Variants in DDX60 observed in about 807,000 individuals in gnomAD.
The protein encoded by DDX60 is probable ATP-dependent RNA helicase DDX60.
A neutral mutation model predicts 212.8 loss-of-function variants in DDX60; 165 were observed. That is an observed-to-expected ratio of 0.78 (90% CI 0.68 to 0.88). DDX60 has a LOEUF of 0.88. DDX60 is among the 40% of genes least tolerant of loss of function. DDX60 has a pLI of 0.00. For synonymous variants in DDX60, 703 were observed against 685.3 expected (o/e 1.03, Z -0.40); for missense variants, 1,905 against 2,003.9 (o/e 0.95, Z 0.94).
At chr4:168,316,528 A>T (rs1737387204) in intron 1 of DDX60, among the ~76,000 whole-genome samples, 1 of 152,188 alleles carries the variant, frequency 6.6e-6, no homozygotes, top group South Asian at 2.1e-4. Context: ...CAATATATGA[A>T]AAAAAATAAT....
intron 36 of DDX60, among the ~76,000 whole-genome samples, chr4:168,221,112 G>C (rs1578962460): frequency 6.6e-6 from 1 of 152,098 alleles, no homozygotes; most frequent in Non-Finnish European, 1.5e-5. Context: ...CATCTTTGAA[G>C]AGTGTCAGAT....
At chr4:168,237,980 T>C (rs1733689719) in intron 30 of DDX60, among the ~76,000 whole-genome samples, 185 bp from the exon 31 acceptor site, 1 of 152,092 alleles carries the variant, frequency 6.6e-6, no homozygotes, top group Non-Finnish European at 1.5e-5. Flanking sequence ...ATAGAGCACA[T>C]AAACTGAATT....
intron 7 of DDX60, among the ~76,000 whole-genome samples, chr4:168,292,754 G>A (rs556561986): frequency 6.6e-6 from 1 of 152,268 alleles, no homozygotes; most frequent in South Asian, 2.1e-4. Context: ...AACATTTGCA[G>A]GGCTATCAAC....
At chr4:168,253,148 T>C (rs6857534) in intron 26 of DDX60, among the ~76,000 whole-genome samples, 25,624 of 152,160 alleles carry the variant, frequency 0.17, 3,763 homozygotes, top group African/African-American at 0.39. Flanking sequence ...TGCCCTTCCT[T>C]TTCAGCCTCT....
chr4:168,297,362 GAAAGAAAGAAAGAAA>G, intron 6 of DDX60, among the ~76,000 whole-genome samples: 1 of 59,352 alleles, frequency 1.7e-5, no homozygotes. Flanking sequence ...AAGAAAGAAA[GAAAGAAAGAAAGAAA>G]GAAAGAGAAA....
chr4:168,237,159 C>T (rs1383756123), intron 32 of DDX60, 127 bp downstream of exon 32: 1 of 602,702 alleles, frequency 1.7e-6, no homozygotes, highest in Non-Finnish European at 2.5e-6. Context: ...AATTGAAGAT[C>T]TATAAATTAT....
upstream of DDX60, among the ~76,000 whole-genome samples, chr4:168,318,978 G>A (rs1037679103): frequency 6.6e-6 from 1 of 151,832 alleles, no homozygotes. Flanking sequence ...AACCAGTTCT[G>A]GTATTCTATT....
intron 34 of DDX60, among the ~76,000 whole-genome samples, chr4:168,225,211 C>T (rs909995665): frequency 6.6e-5 from 10 of 152,040 alleles, no homozygotes; most frequent in East Asian, 3.9e-4. Context: ...GAAAACTAAG[C>T]GTATTTCCTC....
chr4:168,273,960 C>T lies in DDX60; in HGVS notation c.2428G>A (p.Val810Met). The change falls in exon 17 of 38, where the codon GTG (valine) becomes ATG (methionine). Residue 810 changes from valine to methionine, a missense_variant. Val to Met is a conservative substitution (Grantham distance 21). Coordinates refer to ENST00000393743, the MANE Select transcript of DDX60 (RefSeq NM_017631.6). ...TTTGTGGGTGCAACGTACACGACCA[C>T]CCCGTCGTCGCTCTCCTTCAGCACT... ...EKVLKESDDGVVVYVAPTKAL... is the reference protein window; with the variant it reads ...EKVLKESDDGMVVYVAPTKAL... 6.2e-7 allele frequency: 1 copy of T among 1,614,138 alleles called. No homozygotes were observed. The highest frequency in any genetic ancestry group is 1.1e-5 in the South Asian group (1 of 91,070).
rs756680291 is a variant in DDX60 at position 168,310,977 on chromosome 4, T to C, written c.74+21A>G. The C allele has an allele frequency of 2.0e-5, 28 of 1,410,512 alleles. No individual in the cohort carries two copies. The Admixed American group carries it at 4.9e-4, about 25-fold the overall frequency. 87.4% of individuals were successfully genotyped at this position (1,410,512 alleles called of 1,614,324 possible). A position where few individuals can be genotyped will look rare whatever the true frequency, so the allele number is the denominator to read the frequency against. On this transcript the variant is annotated intron_variant, in intron 3 of 37. Coordinates refer to ENST00000393743, the MANE Select transcript of DDX60 (RefSeq NM_017631.6). ...AACATGAGCTATGATTTCCCGTCTT[T>C]ATTACTATAATAATACTCACTCAGC... is the stretch of plus-strand genomic sequence containing the variant.
At chr4:168,231,038 G>T (rs1458214903) in intron 33 of DDX60, among the ~76,000 whole-genome samples, 2 of 151,014 alleles carry the variant, frequency 1.3e-5, no homozygotes, top group African/African-American at 2.4e-5. Flanking sequence ...TACCACAGAA[G>T]TACGAAAAAA....
At position 168,280,561 on chromosome 4, in the gene DDX60, C is replaced by T. The variant is rs752549462; in HGVS notation, c.1752G>A (p.Glu584=). Residue 584 remains glutamate, a synonymous_variant, in exon 14 of 38, where the codon GAG becomes GAA. Transcript: ENST00000393743. ...HETKAEIIAR[E]NKKRLFAREE... is the part of the protein sequence containing the mutation. ...CCCTGGCAAATAACCTTTTCTTATT[C>T]TCTCTAGCAATTATTTCAGCCTTGG... 35 of 1,613,424 alleles carry T rather than the reference C, an allele frequency of 2.2e-5. No homozygotes were observed. Among genetic ancestry groups the T allele is most frequent in the Non-Finnish European group, 2.9e-5 (34 of 1,179,882 alleles).
chr4:168,289,700 G>A (rs186675569), intron 8 of DDX60, among the ~76,000 whole-genome samples: 20 of 152,144 alleles, frequency 1.3e-4, no homozygotes, highest in Admixed American at 8.5e-4. Flanking sequence ...CCCCACTAAC[G>A]TGCCCTTCAT....
intron 13 of DDX60, among the ~76,000 whole-genome samples, chr4:168,280,922 C>A (rs1187681254): frequency 6.6e-6 from 1 of 152,004 alleles, no homozygotes; most frequent in Non-Finnish European, 1.5e-5. Flanking sequence ...GGAGGATCAT[C>A]TGAAGCCAGG....
intron 30 of DDX60, among the ~76,000 whole-genome samples, chr4:168,241,274 T>A (rs574949291): frequency 6.6e-6 from 1 of 151,898 alleles, no homozygotes; most frequent in African/African-American, 2.4e-5. Flanking sequence ...ATACAGTAAG[T>A]TGGTACCAGT....
chr4:168,248,218 T>C lies in DDX60; in HGVS notation c.3933A>G (p.Ser1311=). ...PCKSVVFAQN[S]VYLDALNYRQ... is the part of the protein sequence containing the mutation. Reference sequence around the variant, plus strand: ...TATAATTCAACGCATCCAGATAGACTGAGTTTTGAGCAAAAACCACAGATT... The same window carrying C: ...TATAATTCAACGCATCCAGATAGACCGAGTTTTGAGCAAAAACCACAGATT... Residue 1311 remains serine, a synonymous_variant, in exon 29 of 38, where the codon TCA becomes TCG. Coordinates refer to ENST00000393743, the MANE Select transcript of DDX60 (RefSeq NM_017631.6). 1 of 1,611,286 alleles carries C rather than the reference T, an allele frequency of 6.2e-7. No homozygotes were observed. Among genetic ancestry groups the C allele is most frequent in the Non-Finnish European group, 8.5e-7 (1 of 1,179,062 alleles).
intron 33 of DDX60, among the ~76,000 whole-genome samples, chr4:168,230,577 C>T (rs1297983610): frequency 6.6e-6 from 1 of 152,058 alleles, no homozygotes; most frequent in African/African-American, 2.4e-5. Context: ...ATAACCTGCT[C>T]CTGAATGATT....
intron 33 of DDX60, among the ~76,000 whole-genome samples, chr4:168,228,121 CA>C (rs1333232778): frequency 6.6e-6 from 1 of 152,114 alleles, no homozygotes; most frequent in African/African-American, 2.4e-5. Context: ...TCCTAGGCTA[CA>C]AACCTGTACA....
chr4:168,223,152 C>T (rs925855618), intron 35 of DDX60, among the ~76,000 whole-genome samples: 3 of 151,858 alleles, frequency 2.0e-5, no homozygotes, highest in Non-Finnish European at 2.9e-5. Context: ...TGGGGGAAAA[C>T]GGGAGACAAG....
Sources: allele counts gnomAD v4.1 joint callset (sites outside exome capture counted in the v4.1 genomes callset), GRCh38; gene constraint gnomAD v4.1.1; transcripts MANE v1.5; gene names NCBI Gene and HGNC (gene_info 2026-07-23, HGNC 2026-07-21).